The following FHIP1B variants were observed in gnomAD, a reference collection of about 807,000 sequenced individuals.
FHIP1B encodes FHF complex subunit HOOK-interacting protein 1B.
In FHIP1B, 28 loss-of-function variants were observed where a neutral mutation model predicts 82.2. The observed-to-expected ratio is 0.34, with a 90% CI of 0.25 to 0.47. The LOEUF is 0.47. Ranked by LOEUF, FHIP1B falls within the 20% of genes least tolerant of loss-of-function variation. The probability of loss-of-function intolerance (pLI) is 1.00; values close to 1 mark genes in which losing one functional copy is unlikely to be tolerated. For missense variants in FHIP1B, 1,110 were observed against 1,262.6 expected, an observed-to-expected ratio of 0.88 and a Z score of 1.83; for synonymous variants, 585 against 516.1, an observed-to-expected ratio of 1.13 and a Z score of -1.81.
chr11:6,211,638 G>A lies in FHIP1B; in HGVS notation c.2787C>T (p.Val929=), dbSNP rs1183975860. The change falls in exon 12 of 12, where the codon GTC becomes GTT. Residue 929 remains valine, a synonymous_variant. Transcript: ENST00000449352. ...ACTCCTTGAGAAATTCAGGGAAAATGACTGCACAGTAGACAGCATTCTTGA... is the reference window on the plus strand; with the variant it reads ...ACTCCTTGAGAAATTCAGGGAAAATAACTGCACAGTAGACAGCATTCTTGA... ...LRVKNAVYCA[V]IFPEFLKELA... 8 of 1,614,204 alleles carry A rather than the reference G, an allele frequency of 5.0e-6. No homozygotes were observed. The highest frequency in any genetic ancestry group is 1.7e-4 in the Middle Eastern group (1 of 6,060).
intron 9 of FHIP1B, chr11:6,216,934 G>A: frequency 1.6e-6 from 1 of 615,660 alleles, no homozygotes; most frequent in Non-Finnish European, 2.9e-6. Context: ...GAAAACCCAA[G>A]ACCCAGACAG....
rs1847067647 is a variant in FHIP1B at position 6,211,412 on chromosome 11, A to C, written c.*94T>G. 7.0e-7 allele frequency: 1 copy of C among 1,431,266 alleles called. No homozygotes were observed. 88.7% of individuals were successfully genotyped at this position (1,431,266 alleles called of 1,614,324 possible). ...AAACATTCATCTGAAATAAATTAAAAAGTCCTTTTGCCACTGCCTCCAAAC... is the reference window on the plus strand; with the variant it reads ...AAACATTCATCTGAAATAAATTAAACAGTCCTTTTGCCACTGCCTCCAAAC... On this transcript the variant is annotated 3_prime_UTR_variant, in exon 12 of 12. Coordinates refer to ENST00000449352, the MANE Select transcript of FHIP1B (RefSeq NM_001098794.2).
chr11:6,231,020 G>C (rs1847683170), intron 1 of FHIP1B, among the ~76,000 whole-genome samples: 1 of 152,206 alleles, frequency 6.6e-6, no homozygotes, highest in African/African-American at 2.4e-5. Flanking sequence ...TTAAGCCAAG[G>C]AGTTCGGAGA....
intron 6 of FHIP1B, among the ~76,000 whole-genome samples, chr11:6,221,115 G>A (rs1312374310): frequency 5.3e-5 from 8 of 152,148 alleles, no homozygotes; most frequent in Admixed American, 1.3e-4. Flanking sequence ...ATTCACAGAC[G>A]TTTCTAAAGT....
chr11:6,217,159 A>G (rs1405532538), intron 9 of FHIP1B: 2 of 705,674 alleles, frequency 2.8e-6, no homozygotes, highest in South Asian at 3.0e-5. Flanking sequence ...GTAAGTCAAT[A>G]CTCAAACCAG....
At chr11:6,219,337 A>G (rs1847343442) in intron 6 of FHIP1B, among the ~76,000 whole-genome samples, 1 of 152,270 alleles carries the variant, frequency 6.6e-6, no homozygotes, top group Non-Finnish European at 1.5e-5. Flanking sequence ...CAGAGACTCC[A>G]GCAACACTTG....
intron 11 of FHIP1B, among the ~76,000 whole-genome samples, 153 bp downstream of exon 11, chr11:6,214,258 C>G (rs527916232): frequency 1.6e-4 from 24 of 152,294 alleles, no homozygotes; most frequent in Admixed American, 1.0e-3. Flanking sequence ...GTTCTGTCCC[C>G]TGACCAGAAG....
rs1202373269 is a variant in FHIP1B, at chr11:6,217,502, G to A, written c.2084C>T (p.Pro695Leu). The change falls in exon 9 of 12, where the codon CCC becomes CTC. Residue 695 changes from proline to leucine, a missense_variant. Physicochemically the swap from Pro to Leu is moderately conservative, Grantham distance 98 (BLOSUM62 -3). Transcript: ENST00000449352. ...LSNGGTGSESPLEPPLPLEEE... is the reference protein window; with the variant it reads ...LSNGGTGSESLLEPPLPLEEE... ...CTCAAGGGGCAGTGGAGGTTCTAAG[G>A]GGGACTCTGAGCCAGTTCCCCCATT... is the stretch of plus-strand genomic sequence containing the variant. 9.3e-6 allele frequency: 15 copies of A among 1,612,842 alleles called. No homozygotes were observed. The highest frequency in any genetic ancestry group is 1.3e-5 in the Non-Finnish European group (15 of 1,179,270).
Position 6,222,594 on chromosome 11 carries a change from TCTC to T in FHIP1B, c.1036_1038del (p.Glu346del). On this transcript the variant is annotated inframe_deletion, in exon 6 of 12. Coordinates refer to ENST00000449352, the MANE Select transcript of FHIP1B (RefSeq NM_001098794.2). Reference sequence around the variant, plus strand: ...TCCAGATAGGCGGTACTGGCGATCATCTCCTCCACAGAGGTCTGCACAAAAAGA... The same window carrying T: ...TCCAGATAGGCGGTACTGGCGATCATCTCCACAGAGGTCTGCACAAAAAGA... 6.2e-7 allele frequency: 1 copy of T among 1,613,902 alleles called. No individual in the cohort carries two copies. The highest frequency in any genetic ancestry group is 8.5e-7 in the Non-Finnish European group (1 of 1,179,974).
At chr11:6,233,523 C>T (rs1847756500) in intron 1 of FHIP1B, among the ~76,000 whole-genome samples, 1 of 152,192 alleles carries the variant, frequency 6.6e-6, no homozygotes, top group Non-Finnish European at 1.5e-5. Context: ...TATCTTGAGA[C>T]TGATGATGAT....
In FHIP1B at chr11:6,224,632, C is replaced by G; in HGVS notation, c.-116G>C. 2 of 1,124,898 alleles carry G rather than the reference C, an allele frequency of 1.8e-6. No individual in the cohort carries two copies. Among genetic ancestry groups the G allele is most frequent in the Non-Finnish European group, 2.5e-6 (2 of 805,476 alleles). The allele number at this position is 1,124,898 out of a possible 1,614,324, so 69.7% of individuals were successfully genotyped here. A position where few individuals can be genotyped will look rare whatever the true frequency, so the allele number is the denominator to read the frequency against. On this transcript the variant is annotated 5_prime_UTR_variant, in exon 2 of 12. Transcript: ENST00000449352. ...TCATCCGGTCTGTAGGAGCCAGTAG[C>G]TGCCCATGGAGCCAGAGGTTATACC... is the stretch of plus-strand genomic sequence containing the variant.
At chr11:6,225,985 G>A (rs1847553665) in intron 1 of FHIP1B, among the ~76,000 whole-genome samples, 2 of 152,154 alleles carry the variant, frequency 1.3e-5, no homozygotes, top group South Asian at 2.1e-4. Flanking sequence ...ATTGGAGAAG[G>A]AACCATAGTT....
intron 1 of FHIP1B, among the ~76,000 whole-genome samples, chr11:6,225,616 T>C (rs759624132): frequency 2.0e-5 from 3 of 152,210 alleles, no homozygotes; most frequent in Non-Finnish European, 4.4e-5. Flanking sequence ...TTGAACGTAT[T>C]AATGCTGAAG....
intron 1 of FHIP1B, among the ~76,000 whole-genome samples, chr11:6,225,794 A>T (rs1281005407): frequency 6.6e-6 from 1 of 152,140 alleles, no homozygotes; most frequent in Non-Finnish European, 1.5e-5. Flanking sequence ...AAGACCCTTA[A>T]CTGACTGAAT....
At chr11:6,222,729 C>T in intron 5 of FHIP1B, 82 bp downstream of exon 5, 5 of 1,550,930 alleles carry the variant, frequency 3.2e-6, no homozygotes, top group Non-Finnish European at 3.6e-6. Flanking sequence ...GTACTCTACC[C>T]ACCGCCTCCT....
chr11:6,231,795 G>A (rs967429638), intron 1 of FHIP1B, among the ~76,000 whole-genome samples: 4 of 152,040 alleles, frequency 2.6e-5, no homozygotes, highest in African/African-American at 9.7e-5. Flanking sequence ...GAGCCACTAC[G>A]CCCAGCCTAT....
In FHIP1B at chr11:6,217,054, C is replaced by A. The variant is rs534948789; in HGVS notation, c.2215+317G>T. On this transcript the variant is annotated intron_variant, in intron 9 of 11. Transcript: ENST00000449352. ...ATTGCTGTGATTCACCAGGAAACAT[C>A]AAACACAGAATATCCTAATTACAAA... 14 of 700,924 alleles carry A rather than the reference C, an allele frequency of 2.0e-5. No homozygotes were observed. In the Admixed American group the frequency reaches 2.6e-4, roughly 13 times the overall value. The allele number at this position is 700,924 out of a possible 1,614,324, so 43.4% of individuals were successfully genotyped here. A position where few individuals can be genotyped will look rare whatever the true frequency, so the allele number is the denominator to read the frequency against.
In FHIP1B at chr11:6,224,129, A is replaced by G. The variant is rs1847496855; in HGVS notation, c.258T>C (p.Val86=). The change falls in exon 3 of 12, where the codon GTT becomes GTC. Residue 86 remains valine (V), a synonymous_variant. Transcript: ENST00000449352. ...GCCCAGGGCCTGTGGGGGCCGAGGG[A>G]ACTGCACGGTCCTCTGCCAGCAGTG... ...MLTLLAEDRA[V]PSAPTGPGPL... 4.3e-6 allele frequency: 7 copies of G among 1,613,978 alleles called. No individual in the cohort carries two copies. The highest frequency in any genetic ancestry group is 4.2e-6 in the Non-Finnish European group (5 of 1,179,998).
At chr11:6,215,114 C>T (rs1420172417) in intron 9 of FHIP1B, 3 of 459,350 alleles carry the variant, frequency 6.5e-6, no homozygotes, top group African/African-American at 2.0e-5. Context: ...ATTCCAGATG[C>T]CAGCTTTACA....
Sources: gnomAD v4.1 joint callset for allele counts (sites outside exome capture counted in the v4.1 genomes callset) on GRCh38, gnomAD v4.1.1 for gene constraint, MANE v1.5 for transcripts, NCBI Gene and HGNC (gene_info 2026-07-23, HGNC 2026-07-21) for gene names.